CDH20: variants seen among roughly 807,000 people sequenced by gnomAD.
The protein encoded by CDH20 is cadherin 20, also known as cadherin-20.
In CDH20, 29 loss-of-function variants were observed where a neutral mutation model predicts 74.2. The observed-to-expected ratio is 0.39, with a 90% CI of 0.29 to 0.53. The LOEUF (loss-of-function observed/expected upper bound fraction) is 0.53. Among genes scored for constraint, CDH20 ranks in the 20% least tolerant of loss-of-function variants. The pLI is 0.69. For synonymous variants in CDH20, 469 were observed against 405.4 expected, an observed-to-expected ratio of 1.16 and a Z score of -1.88; for missense variants, 988 against 1,048.3, an observed-to-expected ratio of 0.94 and a Z score of 0.79.
chr18:61,396,633 G>A (rs1271263900), intron 1 of CDH20, among the ~76,000 whole-genome samples: 8 of 152,184 alleles, frequency 5.3e-5, no homozygotes, highest in African/African-American at 1.2e-4. Flanking sequence ...GTGGATACAC[G>A]CTGCAGGTGA....
chr18:61,554,751 G>A lies in CDH20; in HGVS notation c.*56G>A, dbSNP rs1049685254. 4 of 1,481,900 alleles carry A rather than the reference G, an allele frequency of 2.7e-6. No individual in the cohort carries two copies. Among genetic ancestry groups the A allele is most frequent in the African/African-American group, 2.8e-5 (2 of 72,166 alleles). 91.8% of individuals were successfully genotyped at this position (1,481,900 alleles called of 1,614,324 possible). ...TCCAGACGTTCTCCGCGGGTGCTTC[G>A]CGGACAAGGTGCAGCCAACCACACG... is the stretch of plus-strand genomic sequence containing the variant. On this transcript the variant is annotated 3_prime_UTR_variant, in exon 12 of 12. Coordinates refer to ENST00000262717, the MANE Select transcript of CDH20 (RefSeq NM_031891.4).
At chr18:61,492,660 C>T (rs1167218192) in intron 2 of CDH20, among the ~76,000 whole-genome samples, 2 of 152,206 alleles carry the variant, frequency 1.3e-5, no homozygotes, top group South Asian at 4.1e-4. Context: ...ACTGCTCCCC[C>T]ATAATGAAAT....
At chr18:61,497,890 A>T (rs2144312818) in intron 2 of CDH20, among the ~76,000 whole-genome samples, 1 of 152,296 alleles carries the variant, frequency 6.6e-6, no homozygotes, top group East Asian at 1.9e-4. Flanking sequence ...AAGTGCTAAC[A>T]ACCCAGGCAA....
At chr18:61,392,508 C>T (rs1911826364) in intron 1 of CDH20, among the ~76,000 whole-genome samples, 2 of 152,158 alleles carry the variant, frequency 1.3e-5, no homozygotes, top group African/African-American at 4.8e-5. Context: ...AGCTCTCTTC[C>T]TTCTTCCTCA....
intron 1 of CDH20, among the ~76,000 whole-genome samples, chr18:61,335,495 A>G (rs1027737733): frequency 1.3e-5 from 2 of 152,158 alleles, no homozygotes; most frequent in African/African-American, 4.8e-5. Context: ...GAAAAAAGAG[A>G]CAAATGAAGA....
chr18:61,338,299 ATTC>A (rs1909824094), intron 1 of CDH20, among the ~76,000 whole-genome samples: 1 of 152,058 alleles, frequency 6.6e-6, no homozygotes, highest in Non-Finnish European at 1.5e-5. Context: ...AGAGAATTTT[ATTC>A]TTTTTTTTTT....
At chr18:61,510,832 A>G (rs971115454) in intron 6 of CDH20, among the ~76,000 whole-genome samples, 1 of 152,190 alleles carries the variant, frequency 6.6e-6, no homozygotes, top group Non-Finnish European at 1.5e-5. Context: ...TAAAATAACA[A>G]TACTATTTTG....
chr18:61,498,121 TG>T (rs1911235422), intron 2 of CDH20, among the ~76,000 whole-genome samples: 1 of 152,158 alleles, frequency 6.6e-6, no homozygotes, highest in Non-Finnish European at 1.5e-5. Context: ...GTATTCTGGC[TG>T]GGCGTGGTGA....
In CDH20 at chr18:61,554,637, G is replaced by C; in HGVS notation, c.2348G>C (p.Arg783Pro). The C allele has an allele frequency of 1.9e-6, 3 of 1,600,322 alleles. No individual in the cohort carries two copies. Among genetic ancestry groups the C allele is most frequent in the Non-Finnish European group, 2.6e-6 (3 of 1,173,972 alleles). ...GACTTCCTGACGGACTGGGGGCCCC[G>C]CTTCCGGAAGCTGGCCGAGCTCTAC... ...SFDFLTDWGPRFRKLAELYGA... is the reference protein window; with the variant it reads ...SFDFLTDWGPPFRKLAELYGA... The change falls in exon 12 of 12, where the codon CGC (arginine) becomes CCC (proline). Residue 783 changes from arginine (R) to proline (P), a missense_variant. By Grantham distance (103) the Arg-to-Pro change is moderately radical (BLOSUM62 -2). Coordinates refer to ENST00000262717, the MANE Select transcript of CDH20 (RefSeq NM_031891.4).
intron 6 of CDH20, among the ~76,000 whole-genome samples, chr18:61,525,250 A>G (rs1391221538): frequency 6.6e-6 from 1 of 152,242 alleles, no homozygotes; most frequent in Admixed American, 6.5e-5. Context: ...ATGTAAATAT[A>G]TAAATGTATG....
At chr18:61,462,734 G>GTT in intron 1 of CDH20, among the ~76,000 whole-genome samples, 1 of 138,582 alleles carries the variant, frequency 7.2e-6, no homozygotes, top group Non-Finnish European at 1.6e-5. Context: ...AGGGGGGGGG[G>GTT]GCATCTAGGG....
chr18:61,345,225 G>A (rs1910077001), intron 1 of CDH20, among the ~76,000 whole-genome samples: 1 of 152,134 alleles, frequency 6.6e-6, no homozygotes, highest in Non-Finnish European at 1.5e-5. Flanking sequence ...GCACTTAAAC[G>A]TTTATGGAAG....
At chr18:61,444,418 G>T (rs1258246688) in intron 1 of CDH20, among the ~76,000 whole-genome samples, 5 of 152,150 alleles carry the variant, frequency 3.3e-5, no homozygotes, top group African/African-American at 4.8e-5. Flanking sequence ...AGACCAAAAG[G>T]GATGTTCAAT....
At chr18:61,396,441 G>A (rs192008533) in intron 1 of CDH20, among the ~76,000 whole-genome samples, 1 of 152,016 alleles carries the variant, frequency 6.6e-6, no homozygotes, top group African/African-American at 2.4e-5. Context: ...TGCTCAGAGG[G>A]CTTAAAACAT....
intron 1 of CDH20, among the ~76,000 whole-genome samples, chr18:61,438,549 A>C (rs1188991858): frequency 6.6e-6 from 1 of 152,186 alleles, no homozygotes; most frequent in East Asian, 1.9e-4. Context: ...AATCAAAACC[A>C]CAATGAGATA....
At chr18:61,423,099 T>C (rs1310515648) in intron 1 of CDH20, among the ~76,000 whole-genome samples, 1 of 152,240 alleles carries the variant, frequency 6.6e-6, no homozygotes, top group Non-Finnish European at 1.5e-5. Flanking sequence ...ATTCAATGGC[T>C]GGTCCAATGC....
intron 10 of CDH20, among the ~76,000 whole-genome samples, chr18:61,547,422 GAACAC>G (rs921929555): frequency 2.5e-4 from 38 of 152,244 alleles, no homozygotes; most frequent in African/African-American, 8.9e-4. Context: ...GTCCTTTTAT[GAACAC>G]AACAGGGCAC....
chr18:61,544,600 C>T lies in CDH20; in HGVS notation c.1531-427C>T, dbSNP rs972173654. 3.2e-4 allele frequency among the ~76,000 whole-genome samples: 48 copies of T among 152,162 alleles called. 1 individual carries two copies. The highest frequency in any genetic ancestry group is 6.8e-4 in the Non-Finnish European group (46 of 68,040). On this transcript the variant is annotated intron_variant, in intron 9 of 11. Transcript: ENST00000262717. ...TGGCCAGATTCTTCTCCAACTGTCC[C>T]GGGCTGAACTTCCCTTGGCATCCGC... is the stretch of plus-strand genomic sequence containing the variant.
At chr18:61,434,068 A>G (rs1401296264) in intron 1 of CDH20, among the ~76,000 whole-genome samples, 3 of 152,130 alleles carry the variant, frequency 2.0e-5, no homozygotes, top group Admixed American at 2.0e-4. Flanking sequence ...GAGCAGTAAC[A>G]GCCCTTTATA....
Sources: allele counts gnomAD v4.1 joint callset (sites outside exome capture counted in the v4.1 genomes callset), GRCh38; gene constraint gnomAD v4.1.1; transcripts MANE v1.5; gene names NCBI Gene and HGNC (gene_info 2026-07-23, HGNC 2026-07-21).